FHIT: variants seen among roughly 807,000 people sequenced by gnomAD.
The protein encoded by FHIT is fragile histidine triad diadenosine triphosphatase.
In FHIT, 19 loss-of-function variants were observed where a neutral mutation model predicts 17.9. The observed-to-expected ratio is 1.06, with a 90% CI of 0.74 to 1.56. The LOEUF (loss-of-function observed/expected upper bound fraction) is 1.56, where lower values mean the gene tolerates loss of function less well. Among genes scored for constraint, FHIT ranks in the 40% most tolerant of loss-of-function variants. The pLI, the probability that FHIT is intolerant of heterozygous loss-of-function variation, is 0.00. For missense variants in FHIT, 248 were observed against 189.2 expected (o/e 1.31, Z -1.82); for synonymous variants, 81 against 69.7 (o/e 1.16, Z -0.81).
chr3:60,337,555 A>G (rs1341374796), intron 5 of FHIT, among the ~76,000 whole-genome samples: 1 of 152,222 alleles, frequency 6.6e-6, no homozygotes, highest in Non-Finnish European at 1.5e-5. Context: ...ACAAATAAGC[A>G]TAACTTAAGT....
At chr3:60,717,401 A>G (rs2041709107) in intron 4 of FHIT, among the ~76,000 whole-genome samples, 1 of 152,148 alleles carries the variant, frequency 6.6e-6, no homozygotes, top group Non-Finnish European at 1.5e-5. Flanking sequence ...TACATATATC[A>G]AAACATCACT....
chr3:60,069,513 C>A (rs1702669706), intron 5 of FHIT, among the ~76,000 whole-genome samples: 1 of 152,166 alleles, frequency 6.6e-6, no homozygotes, highest in African/African-American at 2.4e-5. Flanking sequence ...AGCAAAGAGA[C>A]AGGTAAGGCC....
chr3:60,713,539 A>T (rs2107942772), intron 4 of FHIT, among the ~76,000 whole-genome samples: 1 of 151,692 alleles, frequency 6.6e-6, no homozygotes, highest in Non-Finnish European at 1.5e-5. Flanking sequence ...AGCAAGACTA[A>T]TAAAGAAAAA....
intron 8 of FHIT, among the ~76,000 whole-genome samples, chr3:59,853,247 A>T (rs1001828701): frequency 6.6e-6 from 1 of 152,136 alleles, no homozygotes; most frequent in Non-Finnish European, 1.5e-5. Flanking sequence ...TCACTGTTTG[A>T]ACACTCATTT....
At chr3:60,859,990 G>T (rs1326659957) in intron 3 of FHIT, among the ~76,000 whole-genome samples, 4 of 115,382 alleles carry the variant, frequency 3.5e-5, no homozygotes, top group Non-Finnish European at 7.4e-5. Context: ...GTTCCAGTGA[G>T]CCGAGATTGT....
chr3:61,068,411 C>A (rs1330567866), intron 2 of FHIT, among the ~76,000 whole-genome samples: 2 of 152,192 alleles, frequency 1.3e-5, no homozygotes, highest in Non-Finnish European at 2.9e-5. Flanking sequence ...ATCAAGTCAG[C>A]AATGAGGGGT....
At chr3:60,715,235 T>G (rs1384792775) in intron 4 of FHIT, among the ~76,000 whole-genome samples, 1 of 152,116 alleles carries the variant, frequency 6.6e-6, no homozygotes, top group African/African-American at 2.4e-5. Flanking sequence ...TAGCCATAGG[T>G]AGAAAGCTGA....
chr3:60,536,214 T>C (rs1372809095), intron 5 of FHIT: 1 of 152,158 alleles, frequency 6.6e-6, no homozygotes, highest in Non-Finnish European at 1.5e-5. Context: ...TATTGAAGTC[T>C]ATAGGAGGAA....
chr3:60,359,957 A>G lies in FHIT; in HGVS notation c.103+176903T>C, dbSNP rs148322775. 2.9e-3 allele frequency among the ~76,000 whole-genome samples: 437 copies of G among 150,988 alleles called. 2 individuals are homozygous for G. Among genetic ancestry groups the G allele is most frequent in the African/African-American group, 0.01 (415 of 41,164 alleles). ...AGGGATGAAAAGCAATTATGCAAAC[A>G]CTAGAACACTAGGACATTCAAGACT... On this transcript the variant is annotated intron_variant, in intron 5 of 9. Coordinates refer to ENST00000492590, the MANE Select transcript of FHIT (RefSeq NM_002012.4).
intron 1 of FHIT, among the ~76,000 whole-genome samples, chr3:61,217,163 T>G (rs953423583): frequency 6.6e-6 from 1 of 151,854 alleles, no homozygotes; most frequent in African/African-American, 2.4e-5. Flanking sequence ...AATAAAAAAA[T>G]AAAAATAAAA....
chr3:60,356,765 A>AC (rs1244431037), intron 5 of FHIT, among the ~76,000 whole-genome samples: 2 of 142,274 alleles, frequency 1.4e-5, no homozygotes, highest in African/African-American at 3.0e-5. Context: ...AAAAAAAAAA[A>AC]AAAAAAAAAA....
At chr3:61,035,379 T>C (rs2033191867) in intron 3 of FHIT, among the ~76,000 whole-genome samples, 1 of 152,224 alleles carries the variant, frequency 6.6e-6, no homozygotes, top group Admixed American at 6.5e-5. Flanking sequence ...CATTTTACAT[T>C]ACTTAACTAT....
intron 5 of FHIT, among the ~76,000 whole-genome samples, chr3:60,376,872 G>T (rs1465749406): frequency 6.6e-6 from 1 of 152,180 alleles, no homozygotes; most frequent in African/African-American, 2.4e-5. Flanking sequence ...GTGGCATAGA[G>T]AAGTGGACAG....
intron 5 of FHIT, among the ~76,000 whole-genome samples, chr3:60,115,030 A>C (rs1217195819): frequency 1.3e-5 from 2 of 152,180 alleles, no homozygotes; most frequent in Non-Finnish European, 2.9e-5. Flanking sequence ...CTCATGTCAA[A>C]TATTAAAATT....
chr3:60,518,737 G>T lies in FHIT; in HGVS notation c.103+18123C>A, dbSNP rs778965816. Reference sequence around the variant, plus strand: ...TTTCATTTATATGCAGGCTGGGTGCGCTGGCTCATGCCTGTAATCCAAGCA... The same window carrying T: ...TTTCATTTATATGCAGGCTGGGTGCTCTGGCTCATGCCTGTAATCCAAGCA... On this transcript the variant is annotated intron_variant, in intron 5 of 9. Coordinates refer to ENST00000492590, the MANE Select transcript of FHIT (RefSeq NM_002012.4). Among the ~76,000 whole-genome samples the T allele has an allele frequency of 9.2e-5, 14 of 152,176 alleles. 1 individual carries two copies. The highest frequency in any genetic ancestry group is 6.3e-3 in the Middle Eastern group (2 of 316).
chr3:60,561,105 T>G (rs2107643827), intron 4 of FHIT, among the ~76,000 whole-genome samples: 1 of 152,174 alleles, frequency 6.6e-6, no homozygotes, highest in East Asian at 1.9e-4. Flanking sequence ...TTTAAGATTT[T>G]TTTAATGTAT....
chr3:59,905,203 A>G (rs1303982477), intron 8 of FHIT, among the ~76,000 whole-genome samples: 3 of 152,254 alleles, frequency 2.0e-5, no homozygotes, highest in Non-Finnish European at 4.4e-5. Flanking sequence ...GTACAATCCC[A>G]GAACTTCAGC....
chr3:60,370,615 G>A (rs1700287097), intron 5 of FHIT, among the ~76,000 whole-genome samples: 1 of 152,064 alleles, frequency 6.6e-6, no homozygotes, highest in South Asian at 2.1e-4. Context: ...CCGAGAGGTG[G>A]ACTTATACCC....
At chr3:61,174,617 G>T (rs13320670) in intron 2 of FHIT, among the ~76,000 whole-genome samples, 2 of 152,046 alleles carry the variant, frequency 1.3e-5, no homozygotes, top group African/African-American at 4.8e-5. Context: ...CTGTAAGAAA[G>T]GTATTTTTCA....
Sources: allele counts gnomAD v4.1 joint callset (sites outside exome capture counted in the v4.1 genomes callset), GRCh38; gene constraint gnomAD v4.1.1; transcripts MANE v1.5; gene names NCBI Gene and HGNC (gene_info 2026-07-23, HGNC 2026-07-21).